TNK2: variants seen among roughly 807,000 people sequenced by gnomAD.
The protein encoded by TNK2 is tyrosine kinase non receptor 2, also known as activated CDC42 kinase 1.
TNK2 carries 83 observed loss-of-function variants against 101.8 expected under a neutral mutation model. The ratio of observed to expected loss-of-function variants is 0.82; its 90% CI spans 0.68 to 0.98. TNK2 has a LOEUF of 0.98. Among genes scored for constraint, TNK2 ranks in the 50% least tolerant of loss-of-function variants. The pLI is 0.00. For missense variants in TNK2, 1,665 were observed against 1,483.2 expected (o/e 1.12, Z -2.01); for synonymous variants, 804 against 633.0 (o/e 1.27, Z -4.06).
chr3:195,864,071 G>A lies in TNK2; in HGVS notation c.*110C>T. On this transcript the variant is annotated 3_prime_UTR_variant, in exon 16 of 16. Coordinates refer to ENST00000672887, the MANE Select transcript of TNK2 (RefSeq NM_001382273.1). The stretch of plus-strand genomic sequence containing the variant: ...TGGCCTTGCTCCATCCCCGGGAGCA[G>A]CAGGAGCAGCGGGTCCTCCAGGACT... 1.4e-6 allele frequency: 2 copies of A among 1,475,332 alleles called. No individual in the cohort carries two copies. The highest frequency in any genetic ancestry group is 1.9e-6 in the Non-Finnish European group (2 of 1,065,452). 91.4% of individuals were successfully genotyped at this position (1,475,332 alleles called of 1,614,324 possible).
intron 6 of TNK2, among the ~76,000 whole-genome samples, chr3:195,880,722 C>G (rs997603522): frequency 1.2e-5 from 1 of 83,750 alleles, no homozygotes; most frequent in Non-Finnish European, 2.3e-5. Context: ...TGTAACACCC[C>G]CCCAGCAATG....
Position 195,867,030 on chromosome 3 carries a change from T to C in TNK2, c.3034-14A>G. On this transcript the variant is annotated splice_polypyrimidine_tract_variant and intron_variant, in intron 14 of 15. Coordinates refer to ENST00000672887, the MANE Select transcript of TNK2 (RefSeq NM_001382273.1). The stretch of plus-strand genomic sequence containing the variant: ...GAGCTGCTCCACCTGGGGGTAAGGG[T>C]GGCGCCATGGACACGCGGGCCCAGG... 1.2e-6 allele frequency: 2 copies of C among 1,612,550 alleles called. No homozygotes were observed. Among genetic ancestry groups the C allele is most frequent in the Non-Finnish European group, 1.7e-6 (2 of 1,179,624 alleles).
chr3:195,871,871 A>G (rs934741402), intron 10 of TNK2, among the ~76,000 whole-genome samples: 5 of 152,154 alleles, frequency 3.3e-5, no homozygotes, highest in African/African-American at 1.2e-4. Context: ...CCAAAGCTTG[A>G]AAATGGCAGG....
chr3:195,867,225 G>A lies in TNK2; in HGVS notation c.2977C>T (p.Gln993Ter). The change falls in exon 14 of 16, where the codon CAG becomes TAG. Residue 993 changes from glutamine (Q) to a stop codon, truncating the protein, a stop_gained. Coordinates refer to ENST00000672887, the MANE Select transcript of TNK2 (RefSeq NM_001382273.1). LOFTEE classifies it high-confidence loss of function. ...MVHGVTTEEC[Q>*]AALQCHGWSV... is the part of the protein sequence containing the mutation. ...CAGCCGTGGCACTGCAGGGCCGCCT[G>A]GCACTCCTCTGTGGTCACCCCATGC... 4.3e-6 allele frequency: 7 copies of A among 1,613,036 alleles called. No homozygotes were observed. The highest frequency in any genetic ancestry group is 5.9e-6 in the Non-Finnish European group (7 of 1,179,920).
intron 6 of TNK2, chr3:195,879,430 C>T (rs1751194003): frequency 1.8e-5 from 7 of 399,530 alleles, no homozygotes; most frequent in Non-Finnish European, 3.2e-5. Flanking sequence ...GTTTCCCAGC[C>T]AGAGAAGCAT....
At chr3:195,866,754 T>A in intron 15 of TNK2, 135 bp downstream of exon 15, 1 of 1,312,488 alleles carries the variant, frequency 7.6e-7, no homozygotes, top group Non-Finnish European at 1.0e-6. Context: ...TGTGAGCGCC[T>A]CCCTCCCGCA....
chr3:195,868,698 C>T lies in TNK2; in HGVS notation c.1600G>A (p.Asp534Asn). The T allele has an allele frequency of 6.3e-7, 1 of 1,576,368 alleles. No individual in the cohort carries two copies. The highest frequency in any genetic ancestry group is 8.5e-7 in the Non-Finnish European group (1 of 1,170,738). The change falls in exon 13 of 16, where the codon GAC becomes AAC. Residue 534 changes from aspartate to asparagine, a missense_variant. By Grantham distance (23) the Asp-to-Asn change is conservative. This residue lies in a region of TNK2 where 1,136 missense variants were observed against 894.9 expected (regional missense o/e 1.27). Transcript: ENST00000672887. ...GGGTCTTGGTCCTCGCTCACAGGGT[C>T]ATAGGTTGGTTCTGTGATGGAAAGG... The part of the protein sequence containing the change: ...PAFFTQKPTY[D>N]PVSEDQDPLS...
Position 195,868,703 on chromosome 3 carries a change from G to T in TNK2, c.1595C>A (p.Thr532Asn). 6.4e-7 allele frequency: 1 copy of T among 1,570,394 alleles called. No homozygotes were observed. Among genetic ancestry groups the T allele is most frequent in the South Asian group, 1.1e-5 (1 of 88,576 alleles). ...TTGGTCCTCGCTCACAGGGTCATAG[G>T]TTGGTTCTGTGATGGAAAGGGAGAG... The part of the protein sequence containing the change: ...PQPAFFTQKP[T>N]YDPVSEDQDP... The change falls in exon 13 of 16, where the codon ACC becomes AAC. Residue 532 changes from threonine to asparagine, a missense_variant. Around this residue, in one of 3 missense-constraint regions of TNK2, gnomAD observed 1,136 missense variants for 894.9 expected, o/e 1.27. Coordinates refer to ENST00000672887, the MANE Select transcript of TNK2 (RefSeq NM_001382273.1).
intron 6 of TNK2, 93 bp downstream of exon 6, chr3:195,881,957 CA>C: frequency 6.8e-7 from 1 of 1,471,014 alleles, no homozygotes; most frequent in South Asian, 1.3e-5. Flanking sequence ...CAGGCCCAAG[CA>C]AAACCAGGGG....
intron 6 of TNK2, among the ~76,000 whole-genome samples, chr3:195,881,009 T>C (rs79846907): frequency 8.8e-4 from 1 of 1,132 alleles, no homozygotes. Context: ...GAGGACACAG[T>C]GTCTATCCCT....
Position 195,885,744 on chromosome 3 carries a change from G to A in TNK2, c.235-711C>T, listed in dbSNP as rs1286853013. 2 of 461,674 alleles carry A rather than the reference G, an allele frequency of 4.3e-6. No individual in the cohort carries two copies. Among genetic ancestry groups the A allele is most frequent in the African/African-American group, 2.1e-5 (1 of 48,728 alleles). 28.6% of individuals were successfully genotyped at this position (461,674 alleles called of 1,614,324 possible). A position where few individuals can be genotyped will look rare whatever the true frequency, so the allele number is the denominator to read the frequency against. On this transcript the variant is annotated intron_variant, in intron 3 of 15. Coordinates refer to ENST00000672887, the MANE Select transcript of TNK2 (RefSeq NM_001382273.1). The surrounding 1 kb of genome is among the most constrained non-coding windows in gnomAD (Gnocchi z 4.7). ...TGGACAGGGAGGAGCCGAAGGTCAAGGGACAGAAGAAAGGAGGCCATGAGG... is the reference window on the plus strand; with the variant it reads ...TGGACAGGGAGGAGCCGAAGGTCAAAGGACAGAAGAAAGGAGGCCATGAGG...
At chr3:195,876,864 C>G (rs976680374) in intron 9 of TNK2, 2 of 355,420 alleles carry the variant, frequency 5.6e-6, no homozygotes, top group Non-Finnish European at 1.1e-5. Flanking sequence ...GAGACACACG[C>G]CCCAAACACA....
intron 11 of TNK2, 112 bp from the exon 12 acceptor site, chr3:195,869,653 G>T: frequency 2.7e-6 from 3 of 1,098,380 alleles, no homozygotes; most frequent in Non-Finnish European, 4.1e-6. Context: ...GGAGAGAAGT[G>T]AATGGGGGCG....
chr3:195,870,502 A>C (rs1577007030), intron 10 of TNK2: 1 of 927,334 alleles, frequency 1.1e-6, no homozygotes, highest in Non-Finnish European at 1.5e-6. Context: ...CCCAGCCCAC[A>C]CCAGGCAGCG....
chr3:195,893,579 T>C (rs1759452082), intron 1 of TNK2, among the ~76,000 whole-genome samples: 1 of 152,038 alleles, frequency 6.6e-6, no homozygotes, highest in African/African-American at 2.4e-5. Flanking sequence ...GGCCCTCATG[T>C]TTCTAGAACT....
At position 195,876,419 on chromosome 3, in the gene TNK2, T is replaced by C. The variant is rs536322960; in HGVS notation, c.1256+1834A>G. The C allele has an allele frequency of 6.6e-5, 30 of 456,636 alleles. 1 individual carries two copies. Among genetic ancestry groups the C allele is most frequent in the East Asian group, 5.6e-4 (8 of 14,386 alleles). The allele number at this position is 456,636 out of a possible 1,614,324, so 28.3% of individuals were successfully genotyped here. On this transcript the variant is annotated intron_variant, in intron 9 of 15. Coordinates refer to ENST00000672887, the MANE Select transcript of TNK2 (RefSeq NM_001382273.1). ...GGAACTCCAAACACAGACCCACAGA[T>C]GCACACCCAGGCCCAAAGACTCACA...
Position 195,867,197 on chromosome 3 carries a change from C to T in TNK2, c.3005G>A (p.Ser1002Asn), listed in dbSNP as rs143348369. 2,085 of 1,612,912 alleles carry T rather than the reference C, an allele frequency of 1.3e-3. 4 individuals carry two copies. Among genetic ancestry groups the T allele is most frequent in the Non-Finnish European group, 1.6e-3 (1,939 of 1,179,922 alleles). The change falls in exon 14 of 16, where the codon AGC becomes AAC. Residue 1002 changes from serine (S) to asparagine (N), a missense_variant. Ser to Asn is a conservative substitution (Grantham distance 46). This residue lies in a region of TNK2 where 1,136 missense variants were observed against 894.9 expected (regional missense o/e 1.27). Coordinates refer to ENST00000672887, the MANE Select transcript of TNK2 (RefSeq NM_001382273.1). The stretch of plus-strand genomic sequence containing the variant: ...CAGATACTGGGCAGCCCTCTGCACG[C>T]TCCAGCCGTGGCACTGCAGGGCCGC... ...CQAALQCHGW[S>N]VQRAAQYLKV... is the part of the protein sequence containing the mutation.
Position 195,884,920 on chromosome 3 carries a change from G to C in TNK2, c.348C>G (p.Ser116Arg). The C allele has an allele frequency of 6.2e-7, 1 of 1,614,044 alleles. No homozygotes were observed. Among genetic ancestry groups the C allele is most frequent in the Middle Eastern group, 1.7e-4 (1 of 6,048 alleles). The change falls in exon 4 of 16, where the codon AGC becomes AGG. Residue 116 changes from serine (S) to arginine (R), a missense_variant. By Grantham distance (110) the Ser-to-Arg change is moderately radical. Around this residue, in one of 3 missense-constraint regions of TNK2, gnomAD observed 490 missense variants for 522.5 expected, o/e 0.94. Coordinates refer to ENST00000672887, the MANE Select transcript of TNK2 (RefSeq NM_001382273.1). ...CCTTCTCCCCAATGAGGCAGGTGAGGCTCTGCAGGGGCCCCTCCCCTGCTG... is the reference window on the plus strand; with the variant it reads ...CCTTCTCCCCAATGAGGCAGGTGAGCCTCTGCAGGGGCCCCTCCCCTGCTG... ...GGPAGEGPLQ[S>R]LTCLIGEKDL...
intron 1 of TNK2, chr3:195,891,831 G>C (rs1758591533): frequency 8.7e-6 from 7 of 800,472 alleles, no homozygotes; most frequent in Non-Finnish European, 1.1e-5. Flanking sequence ...GGCTGGGGGA[G>C]ACCCAGAGGC....
Sources: gnomAD v4.1 joint callset for allele counts (sites outside exome capture counted in the v4.1 genomes callset) on GRCh38, gnomAD v4.1.1 for gene constraint, gnomAD v4.1.1 regional missense constraint, Gnocchi (gnomAD v3.1) non-coding constraint, MANE v1.5 for transcripts, NCBI Gene and HGNC (gene_info 2026-07-23, HGNC 2026-07-21) for gene names.